SRSF7: variants seen among roughly 807,000 people sequenced by gnomAD.
SRSF7 encodes the protein serine/arginine-rich splicing factor 7.
In SRSF7, 15 loss-of-function variants were observed where a neutral mutation model predicts 42.2. That is an observed-to-expected ratio of 0.36 (90% CI 0.24 to 0.55). The LOEUF (loss-of-function observed/expected upper bound fraction) is 0.55. SRSF7 is among the 20% of genes least tolerant of loss of function. The pLI, the probability that SRSF7 is intolerant of heterozygous loss-of-function variation, is 0.88. For synonymous variants in SRSF7, 138 were observed against 107.9 expected (o/e 1.28, Z -1.73); for missense variants, 181 against 305.9 (o/e 0.59, Z 3.04).
At chr2:38,746,972 C>T in intron 5 of SRSF7, 1 of 704,044 alleles carries the variant, frequency 1.4e-6, no homozygotes, top group Non-Finnish European at 2.5e-6. Flanking sequence ...AGTTTCTGTA[C>T]AGGTATAACA....
intron 5 of SRSF7, chr2:38,747,122 C>T: frequency 4.2e-6 from 2 of 477,666 alleles, no homozygotes; most frequent in South Asian, 3.1e-5. Context: ...GTCCCAGCTA[C>T]TCAGGAGGCT....
intron 4 of SRSF7, 101 bp downstream of exon 4, chr2:38,748,478 G>A (rs1199852527): frequency 6.6e-6 from 8 of 1,218,712 alleles, no homozygotes; most frequent in South Asian, 4.9e-5. Flanking sequence ...GGGTGACAGA[G>A]CAAGACCCTG....
chr2:38,746,713 T>G lies in SRSF7; in HGVS notation c.607A>C (p.Ile203Leu). The G allele has an allele frequency of 6.2e-7, 1 of 1,613,734 alleles. No homozygotes were observed. Among genetic ancestry groups the G allele is most frequent in the Non-Finnish European group, 8.5e-7 (1 of 1,179,874 alleles). ...CCCTACCTGCTTCTTGGTCGTGAAA[T>G]AGACCTGGATCTTGATCTTGACCTC... ...PSRSRSRSRS[I>L]SRPRSSRSKS... Residue 203 changes from isoleucine (I) to leucine (L), a missense_variant, in exon 6 of 8, where the codon ATT becomes CTT. Transcript: ENST00000313117.
intron 1 of SRSF7, 60 bp from the exon 2 acceptor site, chr2:38,750,254 T>A (rs1668083817): frequency 2.0e-6 from 3 of 1,515,202 alleles, no homozygotes. Flanking sequence ...AAGTTTCAAT[T>A]ACTTATTTGC....
At chr2:38,746,583 A>G (rs1667450428) in intron 6 of SRSF7, 111 bp downstream of exon 6, 1 of 1,511,750 alleles carries the variant, frequency 6.6e-7, no homozygotes, top group African/African-American at 1.4e-5. Flanking sequence ...TGTTCCCACT[A>G]AAACCTAAGT....
In SRSF7 at chr2:38,750,109, T is replaced by C; in HGVS notation, c.114A>G (p.Arg38=). 6.2e-7 allele frequency: 1 copy of C among 1,613,942 alleles called. No homozygotes were observed. The highest frequency in any genetic ancestry group is 2.2e-5 in the East Asian group (1 of 44,836). ...ERAFSYYGPL[R]TVWIARNPPG... Reference sequence around the variant, plus strand: ...GAGGATTTCTCGCAATCCATACAGTTCTTAAAGGACCATAATAACTGAAAG... The same window carrying C: ...GAGGATTTCTCGCAATCCATACAGTCCTTAAAGGACCATAATAACTGAAAG... Residue 38 remains arginine, a synonymous_variant, in exon 2 of 8, where the codon AGA becomes AGG. Transcript: ENST00000313117.
At chr2:38,748,540 A>T in intron 4 of SRSF7, 39 bp downstream of exon 4, 1 of 1,592,408 alleles carries the variant, frequency 6.3e-7, no homozygotes, top group Non-Finnish European at 8.6e-7. Context: ...AGTGAATTTA[A>T]TAATAATACA....
At chr2:38,747,525 G>T (rs936369741) in intron 5 of SRSF7, among the ~76,000 whole-genome samples, 1 of 151,750 alleles carries the variant, frequency 6.6e-6, no homozygotes, top group Non-Finnish European at 1.5e-5. Context: ...TCTACAAATA[G>T]TAAAGCTCTG....
intron 5 of SRSF7, among the ~76,000 whole-genome samples, chr2:38,747,686 C>G (rs1371680630): frequency 6.6e-6 from 1 of 152,176 alleles, no homozygotes; most frequent in Admixed American, 6.6e-5. Flanking sequence ...CTTCTGATCT[C>G]TTTTCCTGGT....
At chr2:38,747,217 G>T (rs1426915814) in intron 5 of SRSF7, 2 of 387,076 alleles carry the variant, frequency 5.2e-6, no homozygotes, top group South Asian at 1.8e-5. Context: ...CCCCCCATTT[G>T]TAAGGCTTTA....
chr2:38,744,063 A>G lies in SRSF7; in HGVS notation c.*1070T>C. On this transcript the variant is annotated 3_prime_UTR_variant, in exon 8 of 8. Transcript: ENST00000313117. Reference sequence around the variant, plus strand: ...AAGGTCTACCAGATGCTACCAAAAAATATTAGCTACATGGAGTGTTGCTAA... The same window carrying G: ...AAGGTCTACCAGATGCTACCAAAAAGTATTAGCTACATGGAGTGTTGCTAA... The G allele has an allele frequency of 6.6e-6, 1 of 152,370 alleles. No individual in the cohort carries two copies. The highest frequency in any genetic ancestry group is 1.9e-4 in the East Asian group (1 of 5,198). 9.4% of individuals were successfully genotyped at this position (152,370 alleles called of 1,614,324 possible). A position where few individuals can be genotyped will look rare whatever the true frequency, so the allele number is the denominator to read the frequency against.
intron 1 of SRSF7, chr2:38,750,896 G>A: frequency 2.7e-6 from 1 of 366,204 alleles, no homozygotes; most frequent in Non-Finnish European, 5.2e-6. Context: ...TCCTCAATGT[G>A]CGCAAAATGG....
In SRSF7 at chr2:38,751,257, G is replaced by A; in HGVS notation, c.-1C>T. 6.2e-7 allele frequency: 1 copy of A among 1,614,058 alleles called. No individual in the cohort carries two copies. Among genetic ancestry groups the A allele is most frequent in the Non-Finnish European group, 8.5e-7 (1 of 1,180,034 alleles). The stretch of plus-strand genomic sequence containing the variant: ...CTCCGTACCGCCCGTAACGCGACAT[G>A]ATGACAGACCCGCGTGCTCGGCTCT... On this transcript the variant is annotated 5_prime_UTR_variant, in exon 1 of 8. Coordinates refer to ENST00000313117, the MANE Select transcript of SRSF7 (RefSeq NM_001031684.3).
chr2:38,747,178 G>A, intron 5 of SRSF7: 1 of 450,426 alleles, frequency 2.2e-6, no homozygotes, highest in South Asian at 1.6e-5. Flanking sequence ...GACTAATTCA[G>A]GTGATAAGGC....
At chr2:38,745,403 A>G (rs1667213273) in intron 7 of SRSF7, among the ~76,000 whole-genome samples, 1 of 152,204 alleles carries the variant, frequency 6.6e-6, no homozygotes, top group African/African-American at 2.4e-5. Context: ...CTGTAACCCC[A>G]GCACTTTGGG....
chr2:38,746,299 T>C (rs188655227), intron 6 of SRSF7, 120 bp from the exon 7 acceptor site: 25 of 1,135,270 alleles, frequency 2.2e-5, no homozygotes, highest in Non-Finnish European at 2.8e-5. Flanking sequence ...GCACTTAAAC[T>C]GAAAAACATC....
chr2:38,744,838 C>A lies in SRSF7; in HGVS notation c.*295G>T. ...TGAATAAGGTTAACAATTATAATGT[C>A]TGACTCTCAAATATATCAAATTAAG... On this transcript the variant is annotated 3_prime_UTR_variant, in exon 8 of 8. Coordinates refer to ENST00000313117, the MANE Select transcript of SRSF7 (RefSeq NM_001031684.3). The A allele has an allele frequency of 3.1e-6, 1 of 322,460 alleles. No individual in the cohort carries two copies. Among genetic ancestry groups the A allele is most frequent in the South Asian group, 6.2e-5 (1 of 16,116 alleles). The allele number at this position is 322,460 out of a possible 1,614,324, so 20.0% of individuals were successfully genotyped here.
chr2:38,744,967 C>A lies in SRSF7; in HGVS notation c.*166G>T. 1.3e-5 allele frequency: 8 copies of A among 623,250 alleles called. No individual in the cohort carries two copies. Among genetic ancestry groups the A allele is most frequent in the Non-Finnish European group, 2.1e-5 (8 of 379,658 alleles). 38.6% of individuals were successfully genotyped at this position (623,250 alleles called of 1,614,324 possible). Reference sequence around the variant, plus strand: ...TCAGACCATATGATGTTAATACATTCAACAAAATTTATATTATCTTACTGC... The same window carrying A: ...TCAGACCATATGATGTTAATACATTAAACAAAATTTATATTATCTTACTGC... On this transcript the variant is annotated 3_prime_UTR_variant, in exon 8 of 8. Transcript: ENST00000313117.
rs757348862 is a variant in SRSF7 at position 38,748,028 on chromosome 2, GA to G, written c.572+18del. The G allele has an allele frequency of 3.2e-6, 5 of 1,578,166 alleles. No homozygotes were observed. The highest frequency in any genetic ancestry group is 4.4e-6 in the Non-Finnish European group (5 of 1,148,830). Reference sequence around the variant, plus strand: ...TGTGAACAATCCAAACACAAGTAAGGAAAAAAAGTGTTACATACTGGAAATA... The same window carrying G: ...TGTGAACAATCCAAACACAAGTAAGGAAAAAAGTGTTACATACTGGAAATA... On this transcript the variant is annotated intron_variant, in intron 5 of 7. Transcript: ENST00000313117.
Sources: gnomAD v4.1 joint callset for allele counts (sites outside exome capture counted in the v4.1 genomes callset) on GRCh38, gnomAD v4.1.1 for gene constraint, MANE v1.5 for transcripts, NCBI Gene and HGNC (gene_info 2026-07-23, HGNC 2026-07-21) for gene names.